MYO3A: variants seen among roughly 807,000 people sequenced by gnomAD.
MYO3A encodes myosin-IIIa.
A neutral mutation model predicts 192.7 loss-of-function variants in MYO3A; 180 were observed. The observed-to-expected ratio is 0.93, with a 90% CI of 0.83 to 1.06. The LOEUF is 1.06. Among genes scored for constraint, MYO3A ranks in the 50% least tolerant of loss-of-function variants. The probability of loss-of-function intolerance (pLI) is 0.00; values close to 1 mark genes in which losing one functional copy is unlikely to be tolerated. For missense variants in MYO3A, 1,896 were observed against 1,905.0 expected (o/e 1.00, Z 0.09); for synonymous variants, 628 against 645.3 (o/e 0.97, Z 0.41).
Position 26,100,783 on chromosome 10 carries a change from T to C in MYO3A, c.1776+4101T>C, listed in dbSNP as rs539083984. Among the ~76,000 whole-genome samples, 3 of 152,336 alleles carry C rather than the reference T, an allele frequency of 2.0e-5. No individual in the cohort carries two copies. In the South Asian group the frequency reaches 6.2e-4, roughly 32 times the overall value. On this transcript the variant is annotated intron_variant, in intron 17 of 34. Transcript: ENST00000642920. The stretch of plus-strand genomic sequence containing the variant: ...AGACAGTTTGTTATCATTTCTGTTG[T>C]TTTACATTTCCTGAGGAGTGCTTTA...
chr10:26,139,247 A>C (rs764773105), intron 20 of MYO3A, among the ~76,000 whole-genome samples: 1 of 152,040 alleles, frequency 6.6e-6, no homozygotes, highest in African/African-American at 2.4e-5. Context: ...AAATATATAT[A>C]TTTTTTGAGA....
intron 6 of MYO3A, among the ~76,000 whole-genome samples, chr10:26,009,657 A>C (rs986406161): frequency 1.3e-5 from 2 of 152,218 alleles, no homozygotes; most frequent in Non-Finnish European, 2.9e-5. Flanking sequence ...ACACAGCTGT[A>C]GAAATTTTAT....
At chr10:25,982,755 A>G (rs1839410621) in intron 4 of MYO3A, among the ~76,000 whole-genome samples, 1 of 152,204 alleles carries the variant, frequency 6.6e-6, no homozygotes, top group Non-Finnish European at 1.5e-5. Flanking sequence ...AGAACACCAT[A>G]TCAAGGGAGC....
intron 15 of MYO3A, 79 bp downstream of exon 15, chr10:26,088,484 AT>A: frequency 7.4e-7 from 1 of 1,351,290 alleles, no homozygotes; most frequent in Non-Finnish European, 1.0e-6. Context: ...TGTCTTTCTC[AT>A]TCAATAAAAT....
Position 26,008,284 on chromosome 10 carries a change from A to G in MYO3A, c.509-8536A>G, listed in dbSNP as rs1433839059. ...AGACCTAAAACCATAAAAACCCTAG[A>G]AGAAAACCTAGGCATTACCATTCAG... On this transcript the variant is annotated intron_variant, in intron 6 of 34. Coordinates refer to ENST00000642920, the MANE Select transcript of MYO3A (RefSeq NM_017433.5). Among the ~76,000 whole-genome samples, 10 of 148,228 alleles carry G rather than the reference A, an allele frequency of 6.7e-5. 1 individual carries two copies. Among genetic ancestry groups the G allele is most frequent in the South Asian group, 2.1e-4 (1 of 4,776 alleles).
intron 10 of MYO3A, among the ~76,000 whole-genome samples, chr10:26,042,353 G>T (rs1237584963): frequency 6.6e-6 from 1 of 151,976 alleles, no homozygotes; most frequent in Non-Finnish European, 1.5e-5. Context: ...CTTGGACATT[G>T]ATATCTTTTT....
intron 17 of MYO3A, among the ~76,000 whole-genome samples, chr10:26,117,013 T>C (rs2131677238): frequency 6.6e-6 from 1 of 152,348 alleles, no homozygotes; most frequent in Non-Finnish European, 1.5e-5. Flanking sequence ...AACCCCAAGA[T>C]GTACCTTTCA....
chr10:26,017,084 T>A (rs1188943469), intron 7 of MYO3A, among the ~76,000 whole-genome samples, 188 bp downstream of exon 7: 1 of 152,180 alleles, frequency 6.6e-6, no homozygotes, highest in Non-Finnish European at 1.5e-5. Flanking sequence ...GGGCTGTGAA[T>A]GAACACGAGT....
In MYO3A at chr10:26,076,079, T is replaced by G. The variant is rs202093588; in HGVS notation, c.1359+5678T>G. ...TTCTTTAAGAAATCAGCATACTGTT[T>G]TCCATAGTGGCTGTACTAGTTTACA... is the stretch of plus-strand genomic sequence containing the variant. On this transcript the variant is annotated intron_variant, in intron 14 of 34. Coordinates refer to ENST00000642920, the MANE Select transcript of MYO3A (RefSeq NM_017433.5). 1.6e-4 allele frequency among the ~76,000 whole-genome samples: 24 copies of G among 152,170 alleles called. No homozygotes were observed. The East Asian group carries it at 4.6e-3, about 29-fold the overall frequency.
intron 30 of MYO3A, among the ~76,000 whole-genome samples, chr10:26,174,979 A>G (rs910724415): frequency 6.6e-6 from 1 of 152,218 alleles, no homozygotes; most frequent in African/African-American, 2.4e-5. Flanking sequence ...AGATTTTGAT[A>G]GGTAGCCACA....
chr10:26,054,510 G>C (rs1844199299), intron 10 of MYO3A, among the ~76,000 whole-genome samples: 1 of 152,146 alleles, frequency 6.6e-6, no homozygotes, highest in Admixed American at 6.5e-5. Context: ...GGTAGGCTGA[G>C]TAACGACCCT....
intron 27 of MYO3A, among the ~76,000 whole-genome samples, chr10:26,166,825 C>G (rs1259888391): frequency 6.6e-6 from 1 of 152,126 alleles, no homozygotes; most frequent in Admixed American, 6.6e-5. Flanking sequence ...TTACTAGACT[C>G]GCTATATGTA....
chr10:26,174,222 G>C lies in MYO3A; in HGVS notation c.3958G>C (p.Glu1320Gln). The change falls in exon 30 of 35, where the codon GAG (glutamate) becomes CAG (glutamine). Residue 1320 changes from glutamate (E) to glutamine (Q), a missense_variant. By Grantham distance (29) the Glu-to-Gln change is conservative. Coordinates refer to ENST00000642920, the MANE Select transcript of MYO3A (RefSeq NM_017433.5). ...CCAGCGTGCACCGATATGCAGCCAG[G>C]AGGAAGGCAGAGGCCGTCTGAGGCA... ...VTQRAPICSQ[E>Q]EGRGRLRHET... 2 of 1,614,084 alleles carry C rather than the reference G, an allele frequency of 1.2e-6. No homozygotes were observed. The highest frequency in any genetic ancestry group is 1.7e-6 in the Non-Finnish European group (2 of 1,179,924).
intron 10 of MYO3A, among the ~76,000 whole-genome samples, chr10:26,044,635 C>G (rs746032447): frequency 6.6e-6 from 1 of 152,114 alleles, no homozygotes; most frequent in Admixed American, 6.5e-5. Context: ...GAGAAGAGCA[C>G]TAATTTGACC....
chr10:25,995,393 G>C (rs1419698224), intron 4 of MYO3A, among the ~76,000 whole-genome samples: 1 of 152,124 alleles, frequency 6.6e-6, no homozygotes, highest in Non-Finnish European at 1.5e-5. Context: ...GGTTATTCTA[G>C]TTAGCCATTT....
intron 17 of MYO3A, among the ~76,000 whole-genome samples, chr10:26,117,490 T>G (rs1838583749): frequency 6.6e-6 from 1 of 152,156 alleles, no homozygotes; most frequent in African/African-American, 2.4e-5. Context: ...GTGCCACACC[T>G]CCTACTGTCC....
intron 17 of MYO3A, among the ~76,000 whole-genome samples, chr10:26,114,820 T>C (rs1482429820): frequency 1.3e-5 from 2 of 152,150 alleles, no homozygotes; most frequent in Non-Finnish European, 2.9e-5. Context: ...TATAATCTGA[T>C]AGAAGAAATA....
rs117079866 is a variant in MYO3A at position 26,095,451 on chromosome 10, G to A, written c.1563-930G>A. On this transcript the variant is annotated intron_variant, in intron 15 of 34. Coordinates refer to ENST00000642920, the MANE Select transcript of MYO3A (RefSeq NM_017433.5). ...TGCCACAGAGAGATGCAAACCCCAG[G>A]GTGTCCCAGCTGACCACTAGGCTCA... Among the ~76,000 whole-genome samples the A allele has an allele frequency of 3.2e-3, 489 of 152,218 alleles. 1 individual carries two copies. The highest frequency in any genetic ancestry group is 5.8e-3 in the Non-Finnish European group (391 of 67,998).
At chr10:26,144,743 C>T (rs1277801155) in intron 21 of MYO3A, among the ~76,000 whole-genome samples, 1 of 152,102 alleles carries the variant, frequency 6.6e-6, no homozygotes, top group Non-Finnish European at 1.5e-5. Flanking sequence ...TTACTTCCTC[C>T]GTACCAGTGG....
Sources: gnomAD v4.1 joint callset for allele counts (sites outside exome capture counted in the v4.1 genomes callset) on GRCh38, gnomAD v4.1.1 for gene constraint, MANE v1.5 for transcripts, NCBI Gene and HGNC (gene_info 2026-07-23, HGNC 2026-07-21) for gene names.